SAMSN1: variants seen among roughly 807,000 people sequenced by gnomAD.
The protein encoded by SAMSN1 is SAM domain-containing protein SAMSN-1.
SAMSN1 carries 31 observed loss-of-function variants against 42.0 expected under a neutral mutation model. The ratio of observed to expected loss-of-function variants is 0.74; its 90% CI spans 0.55 to 1.00. The LOEUF (loss-of-function observed/expected upper bound fraction) is 1.00, where lower values mean the gene tolerates loss of function less well. SAMSN1 is among the 50% of genes least tolerant of loss of function. The probability of loss-of-function intolerance (pLI) is 0.00; values close to 1 mark genes in which losing one functional copy is unlikely to be tolerated. For synonymous variants in SAMSN1, 178 were observed against 151.9 expected, an observed-to-expected ratio of 1.17 and a Z score of -1.26; for missense variants, 464 against 439.4, an observed-to-expected ratio of 1.06 and a Z score of -0.50.
intron 5 of SAMSN1, among the ~76,000 whole-genome samples, chr21:14,509,154 G>C (rs1987563814): frequency 6.6e-6 from 1 of 151,032 alleles, no homozygotes; most frequent in Non-Finnish European, 1.5e-5. Flanking sequence ...GAAAAGAAAA[G>C]AAAAGAAAGG....
At chr21:14,529,938 G>A (rs1979133028) in intron 1 of SAMSN1, among the ~76,000 whole-genome samples, 2 of 152,068 alleles carry the variant, frequency 1.3e-5, no homozygotes, top group African/African-American at 4.8e-5. Context: ...AAATTAGCTG[G>A]AATCAATATA....
In SAMSN1 at chr21:14,492,377, T is replaced by C. The variant is rs77147513; in HGVS notation, c.919+6065A>G. Reference sequence around the variant, plus strand: ...GTGGGATTGCAGGCAACTTTATTTTTATAATAATAGAATACTGACTTACTA... The same window carrying C: ...GTGGGATTGCAGGCAACTTTATTTTCATAATAATAGAATACTGACTTACTA... On this transcript the variant is annotated intron_variant, in intron 7 of 7. Coordinates refer to ENST00000400566, the MANE Select transcript of SAMSN1 (RefSeq NM_022136.5). 9.4e-3 allele frequency among the ~76,000 whole-genome samples: 1,431 copies of C among 152,320 alleles called. 21 individuals are homozygous for C. Among genetic ancestry groups the C allele is most frequent in the African/African-American group, 0.033 (1,357 of 41,568 alleles).
intron 1 of SAMSN1, among the ~76,000 whole-genome samples, chr21:14,541,934 C>T (rs925934532): frequency 2.3e-4 from 34 of 148,618 alleles, no homozygotes; most frequent in African/African-American, 8.0e-4. Flanking sequence ...GCTGACGCTG[C>T]AGTGAGTGGT....
At chr21:14,495,176 T>C (rs867105791) in intron 7 of SAMSN1, among the ~76,000 whole-genome samples, 9 of 152,368 alleles carry the variant, frequency 5.9e-5, no homozygotes, top group Admixed American at 1.3e-4. Flanking sequence ...TGTTTTTAAA[T>C]GTCTCAGTTT....
intron 4 of SAMSN1, among the ~76,000 whole-genome samples, chr21:14,610,493 T>A (rs547606382): frequency 1.3e-5 from 2 of 152,312 alleles, no homozygotes; most frequent in East Asian, 3.9e-4. Flanking sequence ...TGCCTTGTGA[T>A]CTTTTGTCGC....
rs562628509 is a variant in SAMSN1 at position 14,573,251 on chromosome 21, C to T, written c.261+8885G>A. On this transcript the variant is annotated intron_variant, in intron 2 of 8. Coordinates refer to the SAMSN1 transcript ENST00000285670. ...CTGATCTTCTGCTCCCTTCTACAGT[C>T]TTACTTAAACTTCACCCATCCATTT... Among the ~76,000 whole-genome samples the T allele has an allele frequency of 1.1e-3, 166 of 152,284 alleles. 1 individual carries two copies. The highest frequency in any genetic ancestry group is 3.7e-3 in the African/African-American group (153 of 41,568).
chr21:14,642,091 T>A (rs1983610982), intron 2 of SAMSN1, among the ~76,000 whole-genome samples: 1 of 152,206 alleles, frequency 6.6e-6, no homozygotes, highest in Non-Finnish European at 1.5e-5. Context: ...AGGTCTTTAT[T>A]CCTGTCATCT....
At chr21:14,617,578 C>T (rs1473622443) in intron 2 of SAMSN1, among the ~76,000 whole-genome samples, 2 of 152,146 alleles carry the variant, frequency 1.3e-5, no homozygotes, top group Non-Finnish European at 2.9e-5. Flanking sequence ...TCTCAATAGT[C>T]AAAATCCATC....
intron 2 of SAMSN1, among the ~76,000 whole-genome samples, chr21:14,559,978 G>A (rs1273008081): frequency 6.6e-6 from 1 of 152,028 alleles, no homozygotes; most frequent in Non-Finnish European, 1.5e-5. Flanking sequence ...ATCTATTATG[G>A]GCCTGGGACT....
chr21:14,520,593 A>G (rs1978395021), intron 2 of SAMSN1, among the ~76,000 whole-genome samples: 1 of 152,290 alleles, frequency 6.6e-6, no homozygotes, highest in Middle Eastern at 3.4e-3. Context: ...TGATAGAGAC[A>G]GGAAACAGCC....
At chr21:14,533,523 A>G (rs1012080498) in intron 1 of SAMSN1, among the ~76,000 whole-genome samples, 1 of 152,226 alleles carries the variant, frequency 6.6e-6, no homozygotes, top group African/African-American at 2.4e-5. Flanking sequence ...TTTTAGGAAG[A>G]CAATACATTG....
At chr21:14,542,814 G>A (rs1980130500) in intron 1 of SAMSN1, among the ~76,000 whole-genome samples, 1 of 152,058 alleles carries the variant, frequency 6.6e-6, no homozygotes, top group Non-Finnish European at 1.5e-5. Flanking sequence ...CTGGTGGCAT[G>A]GTGCCTGTGG....
At chr21:14,589,807 G>T (rs914169320) in intron 7 of SAMSN1, among the ~76,000 whole-genome samples, 1 of 151,980 alleles carries the variant, frequency 6.6e-6, no homozygotes, top group African/African-American at 2.4e-5. Flanking sequence ...CTTTGTTTTT[G>T]CTCTTCTTCT....
chr21:14,576,606 A>G (rs1167280594), intron 2 of SAMSN1, among the ~76,000 whole-genome samples: 2 of 152,224 alleles, frequency 1.3e-5, no homozygotes. Context: ...GGTGAACATT[A>G]GCAGACCACC....
intron 2 of SAMSN1, among the ~76,000 whole-genome samples, chr21:14,577,048 CTTTTTTTTTTTT>C (rs991163598): frequency 5.5e-5 from 3 of 54,916 alleles, no homozygotes; most frequent in South Asian, 7.3e-4. Context: ...GCATCCGTTT[CTTTTTTTTTTTT>C]TTTTTTTTTT....
At chr21:14,581,606 G>C (rs550532988) in intron 2 of SAMSN1, among the ~76,000 whole-genome samples, 3 of 151,140 alleles carry the variant, frequency 2.0e-5, no homozygotes, top group African/African-American at 7.3e-5. Flanking sequence ...TGATCCTCCC[G>C]CCTCGGCCTC....
intron 1 of SAMSN1, among the ~76,000 whole-genome samples, chr21:14,541,983 C>A (rs1980068306): frequency 9.5e-6 from 1 of 104,830 alleles, no homozygotes. Flanking sequence ...CAGAATGAGA[C>A]CCTGAAAAAA....
At chr21:14,501,511 A>T (rs1334397497) in intron 5 of SAMSN1, among the ~76,000 whole-genome samples, 2 of 152,234 alleles carry the variant, frequency 1.3e-5, no homozygotes, top group Non-Finnish European at 2.9e-5. Context: ...ATACTGTCAA[A>T]GTAATATATA....
chr21:14,596,797 C>T (rs147086571), intron 6 of SAMSN1, among the ~76,000 whole-genome samples: 7 of 152,232 alleles, frequency 4.6e-5, no homozygotes, highest in Admixed American at 4.6e-4. Flanking sequence ...CTTCAGATAA[C>T]ACCTTGAGCG....
Sources: gnomAD v4.1 joint callset for allele counts (sites outside exome capture counted in the v4.1 genomes callset) on GRCh38, gnomAD v4.1.1 for gene constraint, MANE v1.5 for transcripts, NCBI Gene and HGNC (gene_info 2026-07-23, HGNC 2026-07-21) for gene names.